The following ANKRD27 variants were observed in gnomAD, a reference collection of about 807,000 sequenced individuals.
The protein encoded by ANKRD27 is ankyrin repeat domain 27, also known as ankyrin repeat domain-containing protein 27.
Under a neutral mutation model 129.7 loss-of-function variants are expected in ANKRD27, and 112 were observed. That is an observed-to-expected ratio of 0.86 (90% CI 0.74 to 1.01). The LOEUF (loss-of-function observed/expected upper bound fraction) is 1.01. ANKRD27 is among the 50% of genes least tolerant of loss of function. ANKRD27 has a pLI of 0.00. For missense variants in ANKRD27, 1,258 were observed against 1,300.5 expected, an observed-to-expected ratio of 0.97 and a Z score of 0.50; for synonymous variants, 516 against 511.2, an observed-to-expected ratio of 1.01 and a Z score of -0.13.
At chr19:32,630,464 G>T (rs1423473019) in intron 13 of ANKRD27, among the ~76,000 whole-genome samples, 1 of 152,230 alleles carries the variant, frequency 6.6e-6, no homozygotes, top group Non-Finnish European at 1.5e-5. Flanking sequence ...ATAAACATCT[G>T]ACAACGGGCT....
intron 1 of ANKRD27, among the ~76,000 whole-genome samples, chr19:32,670,006 A>G (rs961510738): frequency 1.5e-4 from 23 of 151,872 alleles, no homozygotes; most frequent in African/African-American, 2.9e-4. Flanking sequence ...AAAAAAAAAA[A>G]AAAGAAAGAA....
intron 25 of ANKRD27, among the ~76,000 whole-genome samples, chr19:32,603,655 C>T (rs1258239622): frequency 6.6e-6 from 1 of 152,190 alleles, no homozygotes; most frequent in Admixed American, 6.5e-5. Context: ...CCTCCCACCT[C>T]AGCCTCCTGA....
chr19:32,628,151 G>A lies in ANKRD27; in HGVS notation c.1352C>T (p.Pro451Leu). 6.2e-7 allele frequency: 1 copy of A among 1,614,096 alleles called. No homozygotes were observed. The highest frequency in any genetic ancestry group is 8.5e-7 in the Non-Finnish European group (1 of 1,179,952). The change falls in exon 15 of 29, where the codon CCC becomes CTC. Residue 451 changes from proline (P) to leucine (L), a missense_variant. Coordinates refer to ENST00000306065, the MANE Select transcript of ANKRD27 (RefSeq NM_032139.3). ...TCTGGAGAATGGAGTGACAACTGAG[G>A]GATCATTCAACCTCCTAAAATACAG... Reference protein sequence around the residue: ...EKLVSGRLNDPSVVTPFSRDD... With the variant: ...EKLVSGRLNDLSVVTPFSRDD...
Position 32,607,777 on chromosome 19 carries a change from C to A in ANKRD27, c.2231G>T (p.Gly744Val), listed in dbSNP as rs1250637089. 2 of 1,611,984 alleles carry A rather than the reference C, an allele frequency of 1.2e-6. No homozygotes were observed. Among genetic ancestry groups the A allele is most frequent in the Admixed American group, 1.7e-5 (1 of 59,720 alleles). The change falls in exon 23 of 29, where the codon GGC (glycine) becomes GTC (valine). Residue 744 changes from glycine to valine, a missense_variant. Transcript: ENST00000306065. ...GGCGGCGACATGCAGCGGGGAGGAGCCGTCCTGGCTGGTCACGTTCACACC... is the reference window on the plus strand; with the variant it reads ...GGCGGCGACATGCAGCGGGGAGGAGACGTCCTGGCTGGTCACGTTCACACC... ...GLGVNVTSQD[G>V]SSPLHVAALH...
chr19:32,649,322 C>T (rs1297054943), intron 3 of ANKRD27, among the ~76,000 whole-genome samples: 3 of 152,098 alleles, frequency 2.0e-5, no homozygotes, highest in African/African-American at 2.4e-5. Context: ...ATGTCCTATT[C>T]GGGACCAAGA....
At chr19:32,666,776 A>T (rs1967767303) in intron 1 of ANKRD27, among the ~76,000 whole-genome samples, 1 of 150,550 alleles carries the variant, frequency 6.6e-6, no homozygotes, top group Non-Finnish European at 1.5e-5. Context: ...CCTCCCTCGT[A>T]GCTGGGATTA....
In ANKRD27 at chr19:32,615,788, T is replaced by C. The variant is rs368425490; in HGVS notation, c.2053-8A>G. ...TTCCAACAGGTAACGCACCTGGTGATGGAGAGTAACGGAAACAGGAACACA... is the reference window on the plus strand; with the variant it reads ...TTCCAACAGGTAACGCACCTGGTGACGGAGAGTAACGGAAACAGGAACACA... On this transcript the variant is annotated splice_region_variant and splice_polypyrimidine_tract_variant and intron_variant, in intron 21 of 28. Coordinates refer to ENST00000306065, the MANE Select transcript of ANKRD27 (RefSeq NM_032139.3). 1.2e-6 allele frequency: 2 copies of C among 1,610,486 alleles called. No homozygotes were observed. The highest frequency in any genetic ancestry group is 1.7e-6 in the Non-Finnish European group (2 of 1,177,748).
intron 22 of ANKRD27, chr19:32,608,345 A>G: frequency 6.8e-6 from 2 of 293,608 alleles, no homozygotes; most frequent in South Asian, 2.9e-5. Flanking sequence ...AGGGCTGTAG[A>G]GCCTCCAAAT....
intron 18 of ANKRD27, among the ~76,000 whole-genome samples, chr19:32,620,586 C>A (rs4805778): frequency 0.094 from 13,487 of 144,014 alleles, 1,136 homozygotes; most frequent in East Asian, 0.28. Flanking sequence ...AAAACCAAAA[C>A]AATAAAAAAG....
intron 1 of ANKRD27, among the ~76,000 whole-genome samples, chr19:32,661,711 T>A (rs975520611): frequency 6.6e-6 from 1 of 152,124 alleles, no homozygotes; most frequent in Non-Finnish European, 1.5e-5. Flanking sequence ...GATCCTCTTG[T>A]ATACCCAAGT....
intron 22 of ANKRD27, 121 bp from the exon 23 acceptor site, chr19:32,607,953 A>C: frequency 9.6e-7 from 1 of 1,039,228 alleles, no homozygotes; most frequent in Non-Finnish European, 1.4e-6. Flanking sequence ...GGCGGGATCC[A>C]GGATGGATTC....
At chr19:32,649,209 G>A (rs537492908) in intron 3 of ANKRD27, among the ~76,000 whole-genome samples, 2 of 152,238 alleles carry the variant, frequency 1.3e-5, no homozygotes, top group South Asian at 2.1e-4. Context: ...CTGGCCTCAA[G>A]TGATTCTCCT....
In ANKRD27 at chr19:32,597,935, T is replaced by G. The variant is rs73926093; in HGVS notation, c.*210A>C. ...GGAATTTTTGTCTGTTTCAATTGTA[T>G]TCATTAGCTTTGAAGAGGAGAGAGA... On this transcript the variant is annotated 3_prime_UTR_variant, in exon 29 of 29. Coordinates refer to ENST00000306065, the MANE Select transcript of ANKRD27 (RefSeq NM_032139.3). The G allele has an allele frequency of 3.3e-4, 195 of 588,044 alleles. No individual in the cohort carries two copies. In the African/African-American group the frequency reaches 3.5e-3, roughly 10 times the overall value. The allele number at this position is 588,044 out of a possible 1,614,324, so 36.4% of individuals were successfully genotyped here.
rs116798392 is a variant in ANKRD27, at chr19:32,664,321, A to T, written c.-30-5276T>A. 2.6e-3 allele frequency among the ~76,000 whole-genome samples: 396 copies of T among 151,784 alleles called. 3 individuals are homozygous for T. The highest frequency in any genetic ancestry group is 9.1e-3 in the African/African-American group (375 of 41,428). ...GGTATATGTCACTGCACTTGACTTG[A>T]TCATTATTTAAAAGTTATTGGCTGG... On this transcript the variant is annotated intron_variant, in intron 1 of 28. Transcript: ENST00000306065.
intron 12 of ANKRD27, among the ~76,000 whole-genome samples, chr19:32,632,082 AGT>A: frequency 6.6e-6 from 1 of 152,198 alleles, no homozygotes; most frequent in Non-Finnish European, 1.5e-5. Flanking sequence ...TGAGGTCAGG[AGT>A]TCAATACGAG....
intron 23 of ANKRD27, 78 bp downstream of exon 23, chr19:32,607,557 T>C (rs977105767): frequency 6.6e-7 from 1 of 1,519,724 alleles, no homozygotes; most frequent in Non-Finnish European, 8.9e-7. Context: ...ACCAAACCCC[T>C]GCAGCGTTCC....
intron 20 of ANKRD27, among the ~76,000 whole-genome samples, chr19:32,618,010 G>A (rs1193174098): frequency 6.6e-6 from 1 of 151,682 alleles, no homozygotes; most frequent in Admixed American, 6.6e-5. Flanking sequence ...CGCCCACCTC[G>A]GCCTCCCAAA....
chr19:32,602,199 T>C lies in ANKRD27; in HGVS notation c.2656-73A>G, dbSNP rs944268159. The C allele has an allele frequency of 3.1e-6, 3 of 971,418 alleles. No homozygotes were observed. The African/African-American group carries it at 4.9e-5, about 16-fold the overall frequency. The allele number at this position is 971,418 out of a possible 1,614,324, so 60.2% of individuals were successfully genotyped here. A position where few individuals can be genotyped will look rare whatever the true frequency, so the allele number is the denominator to read the frequency against. On this transcript the variant is annotated intron_variant, in intron 25 of 28. Coordinates refer to ENST00000306065, the MANE Select transcript of ANKRD27 (RefSeq NM_032139.3). ...AATAGGTTATTATTTGTTTTTGATC[T>C]AAATGTCAGTATTAGTGTGACTGGG...
rs752776051 is a variant in ANKRD27 at position 32,598,175 on chromosome 19, A to T, written c.3123T>A (p.Thr1041=). 3 of 1,613,950 alleles carry T rather than the reference A, an allele frequency of 1.9e-6. No homozygotes were observed. Among genetic ancestry groups the T allele is most frequent in the Non-Finnish European group, 2.5e-6 (3 of 1,179,996 alleles). ...QGPEAAGPLS[T]PQEVSASRS ...ACCGGGAAGCACTAACCTCTTGGGG[A>T]GTGGAGAGGGGGCCAGCAGCCTCCG... The change falls in exon 29 of 29, where the codon ACT becomes ACA. Residue 1041 remains threonine, a synonymous_variant. Transcript: ENST00000306065.
Sources: allele counts gnomAD v4.1 joint callset (sites outside exome capture counted in the v4.1 genomes callset), GRCh38; gene constraint gnomAD v4.1.1; transcripts MANE v1.5; gene names NCBI Gene and HGNC (gene_info 2026-07-23, HGNC 2026-07-21).